Variants in ERCC4 observed in about 807,000 individuals in gnomAD.
ERCC4 encodes DNA repair endonuclease XPF.
In ERCC4, 65 loss-of-function variants were observed where a neutral mutation model predicts 76.9. That is an observed-to-expected ratio of 0.84 (90% CI 0.69 to 1.04). ERCC4 has a LOEUF of 1.04. Among genes scored for constraint, ERCC4 ranks in the 50% least tolerant of loss-of-function variants. ERCC4 has a pLI of 0.00. For synonymous variants in ERCC4, 463 were observed against 410.1 expected (o/e 1.13, Z -1.56); for missense variants, 1,214 against 1,128.2 (o/e 1.08, Z -1.09).
intron 2 of ERCC4, among the ~76,000 whole-genome samples, chr16:13,925,376 C>A (rs1322577291): frequency 6.6e-6 from 1 of 152,150 alleles, no homozygotes; most frequent in African/African-American, 2.4e-5. Flanking sequence ...GGAAAACCCA[C>A]CAATTAGGTA....
chr16:13,944,615 C>T (rs962249470), intron 9 of ERCC4, 108 bp from the exon 10 acceptor site: 2 of 760,316 alleles, frequency 2.6e-6, no homozygotes, highest in African/African-American at 3.4e-5. Context: ...TTGTTTTTCT[C>T]TTACTGCTAT....
At chr16:13,921,352 G>T (rs2031972151) in intron 1 of ERCC4, among the ~76,000 whole-genome samples, 1 of 152,158 alleles carries the variant, frequency 6.6e-6, no homozygotes, top group Admixed American at 6.5e-5. Context: ...GGGTCTGAGG[G>T]GTGTTGAGAG....
chr16:13,942,575 C>T (rs1282617989), intron 9 of ERCC4, among the ~76,000 whole-genome samples: 4 of 152,190 alleles, frequency 2.6e-5, no homozygotes, highest in Non-Finnish European at 5.9e-5. Flanking sequence ...GTTATGTAAT[C>T]CTCATAACAG....
At position 13,928,166 on chromosome 16, in the gene ERCC4, A is replaced by G; in HGVS notation, c.723A>G (p.Lys241=). 1 of 1,613,858 alleles carries G rather than the reference A, an allele frequency of 6.2e-7. No individual in the cohort carries two copies. Among genetic ancestry groups the G allele is most frequent in the Non-Finnish European group, 8.5e-7 (1 of 1,179,826 alleles). ...TAAATGCATGTCTAAAGGAACTAAA[A>G]TGCCATAACCCATCGCTTGAAGTGG... ...DILNACLKEL[K]CHNPSLEVED... The change falls in exon 4 of 11, where the codon AAA becomes AAG. Residue 241 remains lysine, a synonymous_variant. Coordinates refer to ENST00000311895, the MANE Select transcript of ERCC4 (RefSeq NM_005236.3).
chr16:13,935,087 C>T, intron 7 of ERCC4, 59 bp from the exon 8 acceptor site: 3 of 1,291,770 alleles, frequency 2.3e-6, no homozygotes, highest in Non-Finnish European at 2.3e-6. Flanking sequence ...TAAGGGGGCA[C>T]AGGGAAACTA....
At chr16:13,937,414 G>A (rs1324397358) in intron 8 of ERCC4, among the ~76,000 whole-genome samples, 1 of 152,064 alleles carries the variant, frequency 6.6e-6, no homozygotes, top group African/African-American at 2.4e-5. Flanking sequence ...GTTTGGCTGA[G>A]GTACAAAGAA....
chr16:13,934,288 C>G lies in ERCC4; in HGVS notation c.1199C>G (p.Ala400Gly), dbSNP rs1056154599. The part of the protein sequence containing the change: ...EIEAENKESE[A>G]LGGPGQVLIC... ...GAGGCAGAAAATAAGGAGAGTGAAG[C>G]TCTTGGTGGTCCAGGTAGGAAAAAA... is the stretch of plus-strand genomic sequence containing the variant. Residue 400 changes from alanine (A) to glycine (G), a missense_variant, in exon 7 of 11, where the codon GCT becomes GGT. Ala to Gly is a moderately conservative substitution (Grantham distance 60, BLOSUM62 0). Transcript: ENST00000311895. 6.2e-7 allele frequency: 1 copy of G among 1,607,920 alleles called. No homozygotes were observed. Among genetic ancestry groups the G allele is most frequent in the African/African-American group, 1.3e-5 (1 of 74,586 alleles).
At chr16:13,932,472 T>C (rs887412364) in intron 6 of ERCC4, 187 bp downstream of exon 6, 5 of 629,096 alleles carry the variant, frequency 7.9e-6, no homozygotes, top group Non-Finnish European at 1.1e-5. Context: ...ATATGTGTAA[T>C]GTATGTCGAA....
At chr16:13,927,578 A>AAAAG in intron 3 of ERCC4, 1 of 162,572 alleles carries the variant, frequency 6.2e-6, no homozygotes, top group African/African-American at 2.4e-5. Flanking sequence ...AAAAAAAAAA[A>AAAAG]GAGTAGTTAT....
chr16:13,930,631 C>T, intron 4 of ERCC4, 79 bp from the exon 5 acceptor site: 1 of 1,053,792 alleles, frequency 9.5e-7, no homozygotes, highest in South Asian at 1.4e-5. Flanking sequence ...AGGAAATAAT[C>T]CTTTTGAAAG....
chr16:13,944,880 G>GT, intron 10 of ERCC4, 45 bp downstream of exon 10: 1 of 1,238,000 alleles, frequency 8.1e-7, no homozygotes, highest in Non-Finnish European at 1.2e-6. Context: ...CTGCAAAGGG[G>GT]GCTGTGAAGT....
At position 13,949,876 on chromosome 16, in the gene ERCC4, C is replaced by G. The variant is rs969455156; in HGVS notation, c.*1529C>G. Reference sequence around the variant, plus strand: ...ACATATTTTAATGTTTCATCAACATCAGCTGTTTTTTTGTTTGCTACACTA... The same window carrying G: ...ACATATTTTAATGTTTCATCAACATGAGCTGTTTTTTTGTTTGCTACACTA... On this transcript the variant is annotated 3_prime_UTR_variant, in exon 11 of 11. Transcript: ENST00000311895. 8.6e-6 allele frequency: 2 copies of G among 232,482 alleles called. No individual in the cohort carries two copies. Among genetic ancestry groups the G allele is most frequent in the African/African-American group, 2.2e-5 (1 of 45,318 alleles). The allele number at this position is 232,482 out of a possible 1,614,324, so 14.4% of individuals were successfully genotyped here. A position where few individuals can be genotyped will look rare whatever the true frequency, so the allele number is the denominator to read the frequency against.
At chr16:13,931,126 T>A (rs1198232745) in intron 5 of ERCC4, 1 of 521,814 alleles carries the variant, frequency 1.9e-6, no homozygotes, top group East Asian at 3.4e-5. Flanking sequence ...GGCAATTTTA[T>A]TTCTAGAAAA....
chr16:13,947,815 G>A lies in ERCC4; in HGVS notation c.2219G>A (p.Arg740His), dbSNP rs758565772. The A allele has an allele frequency of 1.6e-5, 26 of 1,614,052 alleles. No individual in the cohort carries two copies. The highest frequency in any genetic ancestry group is 5.3e-5 in the African/African-American group (4 of 74,902). ...TTAATCGGCTCTTTAAATAACGGCC[G>A]CCTCTACAGCCAGTGCATCTCCATG... ...SDLIGSLNNGRLYSQCISMSR... is the reference protein window; with the variant it reads ...SDLIGSLNNGHLYSQCISMSR... Residue 740 changes from arginine to histidine, a missense_variant, in exon 11 of 11, where the codon CGC (arginine) becomes CAC (histidine). Arg to His is a conservative substitution (Grantham distance 29). Coordinates refer to ENST00000311895, the MANE Select transcript of ERCC4 (RefSeq NM_005236.3).
intron 5 of ERCC4, chr16:13,931,141 G>C: frequency 2.0e-6 from 1 of 502,088 alleles, no homozygotes; most frequent in Non-Finnish European, 3.6e-6. Context: ...AGAAAAGACT[G>C]TGTGTAGTAC....
chr16:13,943,280 C>G (rs2032450385), intron 9 of ERCC4, among the ~76,000 whole-genome samples: 1 of 152,076 alleles, frequency 6.6e-6, no homozygotes, highest in Non-Finnish European at 1.5e-5. Context: ...AAGAAATACC[C>G]CAGACTTGGT....
At chr16:13,935,014 T>G (rs912500068) in intron 7 of ERCC4, 132 bp from the exon 8 acceptor site, 1 of 759,466 alleles carries the variant, frequency 1.3e-6, no homozygotes, top group Non-Finnish European at 2.4e-6. Context: ...CCTTTTTAAA[T>G]AGTTTGTAAA....
At chr16:13,929,223 A>G (rs918162483) in intron 4 of ERCC4, among the ~76,000 whole-genome samples, 1 of 152,138 alleles carries the variant, frequency 6.6e-6, no homozygotes, top group Non-Finnish European at 1.5e-5. Flanking sequence ...ATTGTTTTAG[A>G]TATTCTTTTA....
intron 2 of ERCC4, 53 bp downstream of exon 2, chr16:13,922,264 T>A (rs2031992746): frequency 4.3e-6 from 5 of 1,167,516 alleles, no homozygotes; most frequent in Non-Finnish European, 6.3e-6. Flanking sequence ...TTTTTTTTTT[T>A]AAGTACAATT....
Sources: allele counts gnomAD v4.1 joint callset (sites outside exome capture counted in the v4.1 genomes callset), GRCh38; gene constraint gnomAD v4.1.1; transcripts MANE v1.5; gene names NCBI Gene and HGNC (gene_info 2026-07-23, HGNC 2026-07-21).